CCZ1B: variants seen among roughly 807,000 people sequenced by gnomAD.
The protein encoded by CCZ1B is CCZ1B vacuolar protein trafficking and biogenesis associated.
In CCZ1B, 25 loss-of-function variants were observed where a neutral mutation model predicts 58.8. The observed-to-expected ratio is 0.43, with a 90% CI of 0.31 to 0.59. CCZ1B has a LOEUF of 0.59. Ranked by LOEUF, CCZ1B falls within the 20% of genes least tolerant of loss-of-function variation. The probability of loss-of-function intolerance (pLI) is 0.12; values close to 1 mark genes in which losing one functional copy is unlikely to be tolerated. For missense variants in CCZ1B, 180 were observed against 501.5 expected, an observed-to-expected ratio of 0.36 and a Z score of 6.12; for synonymous variants, 66 against 173.2, an observed-to-expected ratio of 0.38 and a Z score of 4.86.
At chr7:6,809,964 G>T (rs2115115026) in intron 10 of CCZ1B, among the ~76,000 whole-genome samples, 1 of 147,548 alleles carries the variant, frequency 6.8e-6, no homozygotes. Context: ...AACACCCTCA[G>T]GAAGGGTGCA....
chr7:6,814,804 T>C lies in CCZ1B; in HGVS notation c.740A>G (p.Tyr247Cys), dbSNP rs1293383289. 11 of 1,607,320 alleles carry C rather than the reference T, an allele frequency of 6.8e-6. No individual in the cohort carries two copies. The highest frequency in any genetic ancestry group is 9.3e-6 in the Non-Finnish European group (11 of 1,178,196). Residue 247 changes from tyrosine to cysteine, a missense_variant, in exon 8 of 15, where the codon TAC (tyrosine) becomes TGC (cysteine). By Grantham distance (194) the Tyr-to-Cys change is radical. Coordinates refer to ENST00000316731, the MANE Select transcript of CCZ1B (RefSeq NM_198097.5). ...CCTTGGGAAAAGGGAGGTGGTAAGG[T>C]ATTTGTATAAAATTCTCATGTCATC... ...EQDDMRILYKYLTTSLFPRHI... is the reference protein window; with the variant it reads ...EQDDMRILYKCLTTSLFPRHI...
At chr7:6,822,056 C>A (rs1441102403) in intron 6 of CCZ1B, among the ~76,000 whole-genome samples, 1 of 149,502 alleles carries the variant, frequency 6.7e-6, no homozygotes, top group Non-Finnish European at 1.5e-5. Flanking sequence ...GAGCCCCGGG[C>A]AAACGCAGGA....
At chr7:6,800,709 T>C (rs965539021) in intron 14 of CCZ1B, among the ~76,000 whole-genome samples, 1 of 144,086 alleles carries the variant, frequency 6.9e-6, no homozygotes, top group Admixed American at 7.0e-5. Context: ...GTCATTTTTT[T>C]TTTTTTTTAG....
chr7:6,810,747 ATT>A (rs1218300238), intron 10 of CCZ1B, among the ~76,000 whole-genome samples: 1 of 149,394 alleles, frequency 6.7e-6, no homozygotes, highest in African/African-American at 2.5e-5. Flanking sequence ...GCCCATTTCA[ATT>A]TTATATTAAT....
intron 7 of CCZ1B, among the ~76,000 whole-genome samples, chr7:6,816,921 G>A (rs1478742427): frequency 6.8e-6 from 1 of 147,826 alleles, no homozygotes; most frequent in African/African-American, 2.6e-5. Flanking sequence ...ACAATGCCCA[G>A]CTAATTTTTT....
chr7:6,804,129 GAA>G (rs1315678974), intron 12 of CCZ1B, among the ~76,000 whole-genome samples: 2 of 150,408 alleles, frequency 1.3e-5, no homozygotes, highest in Non-Finnish European at 3.0e-5. Context: ...TTTATATTGA[GAA>G]AAGATAGGCA....
intron 7 of CCZ1B, among the ~76,000 whole-genome samples, chr7:6,818,599 G>C (rs1783049019): frequency 1.5e-5 from 2 of 133,332 alleles, no homozygotes; most frequent in South Asian, 5.1e-4. Flanking sequence ...CAGACAGAAA[G>C]AAAGAAAGAA....
At chr7:6,825,641 CCA>C (rs376938545) in intron 1 of CCZ1B, among the ~76,000 whole-genome samples, 60 of 87,012 alleles carry the variant, frequency 6.9e-4, no homozygotes, top group South Asian at 1.5e-3. Context: ...CTCAGAAAAA[CCA>C]CACACACACA....
intron 10 of CCZ1B, among the ~76,000 whole-genome samples, chr7:6,810,392 G>T (rs1181080438): frequency 6.7e-6 from 1 of 149,288 alleles, no homozygotes; most frequent in African/African-American, 2.5e-5. Flanking sequence ...TTTTCTCTCA[G>T]AACTTTGAAA....
chr7:6,821,691 C>G (rs567813149), intron 6 of CCZ1B, among the ~76,000 whole-genome samples: 144 of 151,470 alleles, frequency 9.5e-4, no homozygotes, highest in Non-Finnish European at 1.5e-3. Flanking sequence ...CTGGGCAAAA[C>G]AGCCAAGACA....
rs1783144593 is a variant in CCZ1B at position 6,823,456 on chromosome 7, TATA to T, written c.391-99_391-97del. 7 of 1,535,666 alleles carry T rather than the reference TATA, an allele frequency of 4.6e-6. No homozygotes were observed. The South Asian group carries it at 4.9e-5, about 11-fold the overall frequency. On this transcript the variant is annotated intron_variant, in intron 4 of 14. Transcript: ENST00000316731. ...GGTACACTGACTCTTGGCCAAACAG[TATA>T]ATGTTTATAAACTTCATCCCACAAT... is the stretch of plus-strand genomic sequence containing the variant.
intron 11 of CCZ1B, chr7:6,805,752 A>G (rs1431892956): frequency 6.3e-6 from 2 of 316,342 alleles, no homozygotes; most frequent in African/African-American, 5.2e-5. Context: ...CCACAAAAAC[A>G]TTAGCTGGGT....
At chr7:6,818,376 C>T (rs1783040582) in intron 7 of CCZ1B, among the ~76,000 whole-genome samples, 2 of 149,374 alleles carry the variant, frequency 1.3e-5, no homozygotes, top group Non-Finnish European at 1.5e-5. Context: ...TGGTAAAACC[C>T]TGTCTGTACT....
chr7:6,822,445 T>C (rs1783127594), intron 5 of CCZ1B, 81 bp from the exon 6 acceptor site: 1 of 1,487,746 alleles, frequency 6.7e-7, no homozygotes, highest in South Asian at 1.3e-5. Context: ...TTTTTTCCTT[T>C]AGATTATTAA....
intron 6 of CCZ1B, among the ~76,000 whole-genome samples, chr7:6,821,297 A>C (rs888637904): frequency 6.7e-6 from 1 of 150,240 alleles, no homozygotes; most frequent in African/African-American, 2.5e-5. Flanking sequence ...GGCGTAAGCC[A>C]CCACACCCAG....
intron 5 of CCZ1B, among the ~76,000 whole-genome samples, 200 bp downstream of exon 5, chr7:6,823,113 A>G (rs181034455): frequency 4.7e-5 from 7 of 148,974 alleles, no homozygotes; most frequent in African/African-American, 1.8e-4. Flanking sequence ...AGGCTGAGAA[A>G]AGAGAAGGGA....
At chr7:6,823,517 T>C (rs1295652149) in intron 4 of CCZ1B, among the ~76,000 whole-genome samples, 157 bp from the exon 5 acceptor site, 1 of 135,300 alleles carries the variant, frequency 7.4e-6, no homozygotes, top group Non-Finnish European at 1.6e-5. Context: ...TTTGCGTTCT[T>C]TTTTTTTTTT....
At chr7:6,810,640 G>A (rs1315889091) in intron 10 of CCZ1B, among the ~76,000 whole-genome samples, 1 of 147,972 alleles carries the variant, frequency 6.8e-6, no homozygotes, top group East Asian at 1.9e-4. Flanking sequence ...TTTTCCTGTC[G>A]ACACAGGGTC....
chr7:6,816,175 G>C lies in CCZ1B; in HGVS notation c.699-1330C>G, dbSNP rs960309590. ...CTGGATCTGGGCGTTTTCTATTCAA[G>C]ATCACTGAAATACCGTGAAGGTGGT... On this transcript the variant is annotated intron_variant, in intron 7 of 14. Transcript: ENST00000316731. Among the ~76,000 whole-genome samples, 8 of 148,044 alleles carry C rather than the reference G, an allele frequency of 5.4e-5. 1 individual carries two copies. The highest frequency in any genetic ancestry group is 2.1e-4 in the African/African-American group (8 of 38,814).
Sources: gnomAD v4.1 joint callset for allele counts (sites outside exome capture counted in the v4.1 genomes callset) on GRCh38, gnomAD v4.1.1 for gene constraint, MANE v1.5 for transcripts, NCBI Gene and HGNC (gene_info 2026-07-23, HGNC 2026-07-21) for gene names.